CAMK1D: variants seen among roughly 807,000 people sequenced by gnomAD.
CAMK1D encodes calcium/calmodulin-dependent protein kinase type 1D.
Under a neutral mutation model 47.7 loss-of-function variants are expected in CAMK1D, and 9 were observed. The observed-to-expected ratio is 0.19, with a 90% CI of 0.11 to 0.33. The LOEUF (loss-of-function observed/expected upper bound fraction) is 0.33. Ranked by LOEUF, CAMK1D falls within the 10% of genes least tolerant of loss-of-function variation. CAMK1D has a pLI of 1.00. For synonymous variants in CAMK1D, 184 were observed against 184.9 expected (o/e 0.99, Z 0.04); for missense variants, 291 against 488.7 (o/e 0.60, Z 3.81).
chr10:12,397,164 A>G (rs559933728), intron 1 of CAMK1D, among the ~76,000 whole-genome samples: 1 of 152,172 alleles, frequency 6.6e-6, no homozygotes. Flanking sequence ...TTTGGTGCCC[A>G]GTTAAGATTA....
At chr10:12,524,312 G>C (rs1183323974) in intron 1 of CAMK1D, among the ~76,000 whole-genome samples, 3 of 152,090 alleles carry the variant, frequency 2.0e-5, no homozygotes, top group Non-Finnish European at 4.4e-5. Context: ...CTTTAAGGTA[G>C]CATTTTATCA....
Position 12,528,596 on chromosome 10 carries a change from G to C in CAMK1D, c.93-24629G>C, listed in dbSNP as rs186844248. Among the ~76,000 whole-genome samples the C allele has an allele frequency of 3.1e-4, 47 of 152,186 alleles. No homozygotes were observed. In the East Asian group the frequency reaches 8.9e-3, roughly 29 times the overall value. ...GCTTAGAGCTGGAAGAGACTCCCGG[G>C]GTCTAAGCCCACCTCCTGATTTTAA... On this transcript the variant is annotated intron_variant, in intron 1 of 10. Transcript: ENST00000619168.
At chr10:12,655,984 T>TA (rs1173752356) in intron 2 of CAMK1D, among the ~76,000 whole-genome samples, 1 of 152,242 alleles carries the variant, frequency 6.6e-6, no homozygotes, top group Admixed American at 6.5e-5. Context: ...TTCTCATAGA[T>TA]ACCTTAATGC....
chr10:12,476,144 T>A (rs1381798372), intron 1 of CAMK1D, among the ~76,000 whole-genome samples: 1 of 151,794 alleles, frequency 6.6e-6, no homozygotes, highest in Non-Finnish European at 1.5e-5. Flanking sequence ...ATACAAAAAT[T>A]AGCTGGGCAT....
intron 1 of CAMK1D, among the ~76,000 whole-genome samples, chr10:12,402,876 G>C (rs1839277555): frequency 6.6e-6 from 1 of 151,964 alleles, no homozygotes; most frequent in African/African-American, 2.4e-5. Context: ...AGGTTTATGT[G>C]GGCAAAAGGT....
intron 2 of CAMK1D, among the ~76,000 whole-genome samples, chr10:12,583,118 C>T (rs1371215419): frequency 1.3e-5 from 2 of 151,860 alleles, no homozygotes; most frequent in African/African-American, 2.4e-5. Context: ...AAGAAACAAG[C>T]CCAACAATTT....
chr10:12,781,701 G>A lies in CAMK1D; in HGVS notation c.566-9457G>A, dbSNP rs117096152. Among the ~76,000 whole-genome samples the A allele has an allele frequency of 2.8e-3, 424 of 151,378 alleles. 4 individuals are homozygous for A. The East Asian group carries it at 0.048, about 17-fold the overall frequency. The stretch of plus-strand genomic sequence containing the variant: ...GAGTCTTGCTGTGTTGCCCAGGCTG[G>A]CGTGCAGTAGCACGAGCTCAGCTCA... On this transcript the variant is annotated intron_variant, in intron 5 of 10. Coordinates refer to ENST00000619168, the MANE Select transcript of CAMK1D (RefSeq NM_153498.4).
chr10:12,465,370 G>C (rs914515259), intron 1 of CAMK1D, among the ~76,000 whole-genome samples: 28 of 151,724 alleles, frequency 1.8e-4, no homozygotes, highest in African/African-American at 6.8e-4. Flanking sequence ...TATTTTATTT[G>C]TTGAGATGGA....
intron 2 of CAMK1D, among the ~76,000 whole-genome samples, chr10:12,581,484 TA>T (rs1032692738): frequency 6.6e-6 from 1 of 152,194 alleles, no homozygotes; most frequent in African/African-American, 2.4e-5. Context: ...ATAGCGGTTT[TA>T]CTTGTTTACA....
At position 12,553,345 on chromosome 10, in the gene CAMK1D, C is replaced by T. The variant is rs571244811; in HGVS notation, c.213C>T (p.Ala71=). ...AAAGCAGCATAGAGAATGAGATAGCCGTCCTGAGAAAGTAAGTGCTGGAGG... is the reference window on the plus strand; with the variant it reads ...AAAGCAGCATAGAGAATGAGATAGCTGTCCTGAGAAAGTAAGTGCTGGAGG... ...GKESSIENEI[A]VLRKIKHENI... is the part of the protein sequence containing the mutation. Residue 71 remains alanine (A), a synonymous_variant, in exon 2 of 11, where the codon GCC becomes GCT. Coordinates refer to ENST00000619168, the MANE Select transcript of CAMK1D (RefSeq NM_153498.4). 3.8e-5 allele frequency: 62 copies of T among 1,612,402 alleles called. No individual in the cohort carries two copies. The East Asian group carries it at 4.2e-4, about 11-fold the overall frequency.
chr10:12,744,762 G>A (rs999455458), intron 3 of CAMK1D, among the ~76,000 whole-genome samples: 17 of 151,308 alleles, frequency 1.1e-4, no homozygotes, highest in Admixed American at 4.6e-4. Flanking sequence ...AAAGCCAGAC[G>A]TGGTGGCTCA....
At position 12,577,893 on chromosome 10, in the gene CAMK1D, AT is replaced by A. The variant is rs1189537044; in HGVS notation, c.224+24538del. On this transcript the variant is annotated intron_variant, in intron 2 of 10. Transcript: ENST00000619168. ...AGGATCCCAGTTATCTACGTAAAAA[AT>A]CAAAGATGGAATCTCCACCTATTCA... Among the ~76,000 whole-genome samples, 22 of 152,338 alleles carry A rather than the reference AT, an allele frequency of 1.4e-4. No homozygotes were observed. In the South Asian group the frequency reaches 1.7e-3, roughly 11 times the overall value.
intron 3 of CAMK1D, among the ~76,000 whole-genome samples, chr10:12,720,742 C>T (rs573504133): frequency 3.3e-5 from 5 of 152,192 alleles, no homozygotes; most frequent in East Asian, 3.9e-4. Flanking sequence ...CGAATGGCCC[C>T]GAAGAATCAA....
chr10:12,563,308 G>A (rs536092764), intron 2 of CAMK1D, among the ~76,000 whole-genome samples: 69 of 152,224 alleles, frequency 4.5e-4, no homozygotes, highest in African/African-American at 1.6e-3. Flanking sequence ...GAGCTGTGAT[G>A]ACACCACTGC....
chr10:12,478,834 C>T (rs1833978237), intron 1 of CAMK1D, among the ~76,000 whole-genome samples: 1 of 152,170 alleles, frequency 6.6e-6, no homozygotes, highest in South Asian at 2.1e-4. Flanking sequence ...TCCATCCTCC[C>T]CGCTGTTTCT....
At chr10:12,658,931 GTC>G (rs1840195505) in intron 2 of CAMK1D, among the ~76,000 whole-genome samples, 1 of 152,304 alleles carries the variant, frequency 6.6e-6, no homozygotes, top group Middle Eastern at 3.4e-3. Context: ...AAAGCCCTCT[GTC>G]CTTGTGATAA....
At chr10:12,529,156 C>T (rs1229729332) in intron 1 of CAMK1D, among the ~76,000 whole-genome samples, 1 of 152,166 alleles carries the variant, frequency 6.6e-6, no homozygotes, top group Non-Finnish European at 1.5e-5. Context: ...TCACCCTCAT[C>T]GTCATAGCTG....
chr10:12,604,794 A>G (rs1838401318), intron 2 of CAMK1D, among the ~76,000 whole-genome samples: 1 of 152,194 alleles, frequency 6.6e-6, no homozygotes, highest in Non-Finnish European at 1.5e-5. Flanking sequence ...AGTATGAAGC[A>G]TCTTTAAACT....
At chr10:12,618,284 ATGTT>A (rs1197814817) in intron 2 of CAMK1D, among the ~76,000 whole-genome samples, 2 of 152,042 alleles carry the variant, frequency 1.3e-5, no homozygotes, top group Admixed American at 6.5e-5. Flanking sequence ...GTGTGTGTGA[ATGTT>A]TGTATTTTTA....
Sources: allele counts gnomAD v4.1 joint callset (sites outside exome capture counted in the v4.1 genomes callset), GRCh38; gene constraint gnomAD v4.1.1; transcripts MANE v1.5; gene names NCBI Gene and HGNC (gene_info 2026-07-23, HGNC 2026-07-21).